UTP20: variants seen among roughly 807,000 people sequenced by gnomAD.
The protein encoded by UTP20 is small subunit processome component 20 homolog.
In UTP20, 164 loss-of-function variants were observed where a neutral mutation model predicts 329.5. The observed-to-expected ratio is 0.50, with a 90% CI of 0.44 to 0.57. The LOEUF (loss-of-function observed/expected upper bound fraction) is 0.57, where lower values mean the gene tolerates loss of function less well. Ranked by LOEUF, UTP20 falls within the 20% of genes least tolerant of loss-of-function variation. The probability of loss-of-function intolerance (pLI) is 0.00; values close to 1 mark genes in which losing one functional copy is unlikely to be tolerated. For synonymous variants in UTP20, 1,151 were observed against 1,159.3 expected, an observed-to-expected ratio of 0.99 and a Z score of 0.14; for missense variants, 3,055 against 3,284.2, an observed-to-expected ratio of 0.93 and a Z score of 1.71.
chr12:101,295,636 G>A lies in UTP20; in HGVS notation c.1408G>A (p.Val470Ile), dbSNP rs1382425150. ...GSMAIEKYPL[V>I]FSPQMVGFYI... is the part of the protein sequence containing the mutation. ...GATGGCAATTGAAAAGTACCCTCTG[G>A]TTTTCTCACCGCAGATGGTGGGGTG... The change falls in exon 12 of 62, where the codon GTT becomes ATT. Residue 470 changes from valine to isoleucine, a missense_variant. Physicochemically the swap from Val to Ile is conservative, Grantham distance 29 (BLOSUM62 3). Transcript: ENST00000261637. 3 of 1,607,884 alleles carry A rather than the reference G, an allele frequency of 1.9e-6. No homozygotes were observed. Among genetic ancestry groups the A allele is most frequent in the South Asian group, 1.1e-5 (1 of 90,760 alleles).
intron 12 of UTP20, 122 bp downstream of exon 12, chr12:101,295,780 T>C: frequency 8.6e-7 from 1 of 1,164,124 alleles, no homozygotes; most frequent in Non-Finnish European, 1.2e-6. Flanking sequence ...ATAAGTTGTG[T>C]GAAAAAAGCA....
chr12:101,308,097 A>G (rs1872685977), intron 17 of UTP20, 88 bp from the exon 18 acceptor site: 4 of 1,214,484 alleles, frequency 3.3e-6, no homozygotes, highest in Non-Finnish European at 4.3e-6. Flanking sequence ...CAGTTTTTCT[A>G]TTTTTAGACC....
rs774094260 is a variant in UTP20 at position 101,302,453 on chromosome 12, T to G, written c.1681T>G (p.Leu561Val). The G allele has an allele frequency of 3.1e-6, 5 of 1,598,828 alleles. No individual in the cohort carries two copies. The highest frequency in any genetic ancestry group is 1.1e-5 in the South Asian group (1 of 87,354). Residue 561 changes from leucine (L) to valine (V), a missense_variant, in exon 15 of 62, where the codon TTA (leucine) becomes GTA (valine). Transcript: ENST00000261637. The stretch of plus-strand genomic sequence containing the variant: ...TCCTGTTTTTCTGCCCTTAGGAAAC[T>G]TATTTGTTCTTTGTCAAGCTGTAAA... Reference protein sequence around the residue: ...VDKGSFGKGNLFVLCQAVNTL... With the variant: ...VDKGSFGKGNVFVLCQAVNTL...
chr12:101,385,925 A>G, intron 61 of UTP20, 43 bp from the exon 62 acceptor site: 14 of 1,490,834 alleles, frequency 9.4e-6, no homozygotes, highest in Non-Finnish European at 1.3e-5. Flanking sequence ...TTGGTTTAAC[A>G]TTTACTTTAA....
At chr12:101,381,737 G>T (rs1028255651) in intron 58 of UTP20, among the ~76,000 whole-genome samples, 3 of 152,046 alleles carry the variant, frequency 2.0e-5, no homozygotes, top group African/African-American at 7.2e-5. Flanking sequence ...CCCAATAAGG[G>T]TCTGGGTGCG....
intron 51 of UTP20, 136 bp downstream of exon 51, chr12:101,371,304 G>A: frequency 1.6e-6 from 1 of 637,236 alleles, no homozygotes; most frequent in Non-Finnish European, 2.5e-6. Context: ...TGGGCGTCCT[G>A]GTGCAGGTGG....
chr12:101,291,750 C>G lies in UTP20; in HGVS notation c.900C>G (p.Leu300=). 2.5e-6 allele frequency: 4 copies of G among 1,575,390 alleles called. No homozygotes were observed. Among genetic ancestry groups the G allele is most frequent in the Non-Finnish European group, 2.6e-6 (3 of 1,164,710 alleles). ...AAATTCTTTGTTTGCAGGAATCGCT[C>G]TTGGATCTACACACAAAAGTAACAA... ...GTFFECLQES[L]LDLHTKVTKT... is the part of the protein sequence containing the mutation. Residue 300 remains leucine, a synonymous_variant, in exon 9 of 62, where the codon CTC becomes CTG. Transcript: ENST00000261637.
At chr12:101,296,080 C>T (rs1356528895) in intron 12 of UTP20, among the ~76,000 whole-genome samples, 1 of 152,224 alleles carries the variant, frequency 6.6e-6, no homozygotes, top group Non-Finnish European at 1.5e-5. Context: ...TGCGATATCA[C>T]AACTGTAGAA....
In UTP20 at chr12:101,312,919, G is replaced by A. The variant is rs187569894; in HGVS notation, c.2552+643G>A. Among the ~76,000 whole-genome samples the A allele has an allele frequency of 1.7e-4, 26 of 152,294 alleles. No individual in the cohort carries two copies. The East Asian group carries it at 4.8e-3, about 28-fold the overall frequency. ...AATTCCGGGTTACAGTATAAGAAGG[G>A]CCACACTGAGTTTGATTCATGTAGA... On this transcript the variant is annotated intron_variant, in intron 21 of 61. Coordinates refer to ENST00000261637, the MANE Select transcript of UTP20 (RefSeq NM_014503.3).
Position 101,290,294 on chromosome 12 carries a change from G to A in UTP20, c.735+20G>A. Reference sequence around the variant, plus strand: ...GGCCAGGTACATAATGGGGAGGGGTGCTTAGAGTCTATGTGGATGGATGAA... The same window carrying A: ...GGCCAGGTACATAATGGGGAGGGGTACTTAGAGTCTATGTGGATGGATGAA... On this transcript the variant is annotated intron_variant, in intron 7 of 61. Coordinates refer to ENST00000261637, the MANE Select transcript of UTP20 (RefSeq NM_014503.3). The A allele has an allele frequency of 1.3e-6, 2 of 1,572,872 alleles. No homozygotes were observed. Among genetic ancestry groups the A allele is most frequent in the South Asian group, 2.5e-5 (2 of 81,432 alleles).
intron 32 of UTP20, among the ~76,000 whole-genome samples, chr12:101,340,955 T>TGAGGTGGGG (rs1869107742): frequency 4.6e-5 from 1 of 21,690 alleles, no homozygotes; most frequent in Non-Finnish European, 7.7e-5. Context: ...TTTTTTTTTT[T>TGAGGTGGGG]TTTTTTTTTT....
intron 25 of UTP20, chr12:101,326,802 T>C (rs1868573079): frequency 4.7e-6 from 1 of 214,536 alleles, no homozygotes; most frequent in African/African-American, 2.3e-5. Flanking sequence ...TTGCCCAGGC[T>C]GGCTTTAAAC....
At chr12:101,374,460 A>G (rs1201587915) in intron 54 of UTP20, among the ~76,000 whole-genome samples, 1 of 152,206 alleles carries the variant, frequency 6.6e-6, no homozygotes, top group African/African-American at 2.4e-5. Flanking sequence ...GTGAAACATA[A>G]ACAACATGTG....
intron 39 of UTP20, among the ~76,000 whole-genome samples, chr12:101,352,685 T>C (rs1869573370): frequency 7.2e-6 from 1 of 139,732 alleles, no homozygotes; most frequent in African/African-American, 3.1e-5. Context: ...GTGGGGAGGA[T>C]AGCATTGGGA....
rs1421477470 is a variant in UTP20 at position 101,306,699 on chromosome 12, A to T, written c.1933A>T (p.Ile645Phe). ...GAAAGATGCCTTTTACTTTCTCCAG[A>T]TTCGGCTTTTGACAATAAGGATCCT... is the stretch of plus-strand genomic sequence containing the variant. ...QANISTGVSK[I>F]RLLTIRILNH... The change falls in exon 17 of 62, where the codon ATT becomes TTT. Residue 645 changes from isoleucine (I) to phenylalanine (F), a missense_variant and splice_region_variant. Around this residue, in one of 3 missense-constraint regions of UTP20, gnomAD observed 2,445 missense variants for 2,575.5 expected, o/e 0.95. Transcript: ENST00000261637. The T allele has an allele frequency of 6.2e-7, 1 of 1,603,082 alleles. No homozygotes were observed. Among genetic ancestry groups the T allele is most frequent in the Non-Finnish European group, 8.5e-7 (1 of 1,174,794 alleles).
intron 1 of UTP20, 72 bp from the exon 2 acceptor site, chr12:101,281,044 G>A (rs888866849): frequency 3.1e-6 from 4 of 1,279,318 alleles, no homozygotes; most frequent in African/African-American, 3.0e-5. Context: ...CCTACATGCA[G>A]CATTCAAATA....
At chr12:101,318,527 G>T (rs1323243525) in intron 22 of UTP20, among the ~76,000 whole-genome samples, 1 of 152,120 alleles carries the variant, frequency 6.6e-6, no homozygotes. Flanking sequence ...TTTTAAAGAA[G>T]TTATTGGAGC....
chr12:101,333,223 G>A, intron 27 of UTP20, 78 bp from the exon 28 acceptor site: 1 of 1,426,132 alleles, frequency 7.0e-7, no homozygotes, highest in Non-Finnish European at 9.5e-7. Flanking sequence ...AGCCACCTGA[G>A]CAAGAGTGCC....
At chr12:101,351,157 C>T (rs566358695) in intron 38 of UTP20, among the ~76,000 whole-genome samples, 1 of 150,900 alleles carries the variant, frequency 6.6e-6, no homozygotes, top group South Asian at 2.1e-4. Context: ...GACGCAGTCT[C>T]ACTCTGTCGC....
Sources: gnomAD v4.1 joint callset for allele counts (sites outside exome capture counted in the v4.1 genomes callset) on GRCh38, gnomAD v4.1.1 for gene constraint, gnomAD v4.1.1 regional missense constraint, MANE v1.5 for transcripts, NCBI Gene and HGNC (gene_info 2026-07-23, HGNC 2026-07-21) for gene names.